The following HNF4G variants were observed in gnomAD, a reference collection of about 807,000 sequenced individuals.
HNF4G encodes the protein hepatocyte nuclear factor 4-gamma.
Under a neutral mutation model 50.9 loss-of-function variants are expected in HNF4G, and 21 were observed. The observed-to-expected ratio is 0.41, with a 90% CI of 0.29 to 0.59. The LOEUF is 0.59. HNF4G is among the 20% of genes least tolerant of loss of function. The pLI, the probability that HNF4G is intolerant of heterozygous loss-of-function variation, is 0.26. For synonymous variants in HNF4G, 198 were observed against 185.6 expected, an observed-to-expected ratio of 1.07 and a Z score of -0.54; for missense variants, 527 against 559.4, an observed-to-expected ratio of 0.94 and a Z score of 0.58.
In HNF4G at chr8:75,566,433, T is replaced by C. The variant is rs1433662048; in HGVS notation, c.*2337T>C. The C allele has an allele frequency of 1.3e-5, 2 of 152,558 alleles. No individual in the cohort carries two copies. Among genetic ancestry groups the C allele is most frequent in the East Asian group, 3.8e-4 (2 of 5,200 alleles). 9.5% of individuals were successfully genotyped at this position (152,558 alleles called of 1,614,324 possible). A position where few individuals can be genotyped will look rare whatever the true frequency, so the allele number is the denominator to read the frequency against. On this transcript the variant is annotated 3_prime_UTR_variant, in exon 10 of 10. Transcript: ENST00000396423. ...ATTTTTAGTGAACCCTGTAATTTATTCGTGTATATTTACTAAACAGCTGTA... is the reference window on the plus strand; with the variant it reads ...ATTTTTAGTGAACCCTGTAATTTATCCGTGTATATTTACTAAACAGCTGTA...
intron 2 of HNF4G, among the ~76,000 whole-genome samples, chr8:75,521,765 A>G (rs1806049080): frequency 6.6e-6 from 1 of 152,162 alleles, no homozygotes; most frequent in Admixed American, 6.5e-5. Flanking sequence ...TACATTAAAA[A>G]TATAATCCTT....
chr8:75,561,606 A>C (rs1024456069), intron 9 of HNF4G, among the ~76,000 whole-genome samples: 4 of 152,212 alleles, frequency 2.6e-5, no homozygotes, highest in Admixed American at 2.6e-4. Context: ...ATCATAAAGC[A>C]CATCTGTTAT....
intron 1 of HNF4G, among the ~76,000 whole-genome samples, chr8:75,478,577 A>G (rs765329720): frequency 7.2e-5 from 11 of 152,200 alleles, no homozygotes; most frequent in African/African-American, 1.2e-4. Context: ...ATGTGAAATG[A>G]GAATGCATGT....
At chr8:75,432,433 C>T (rs1166359554) in intron 1 of HNF4G, among the ~76,000 whole-genome samples, 5 of 152,018 alleles carry the variant, frequency 3.3e-5, no homozygotes, top group Non-Finnish European at 7.4e-5. Context: ...TCTTGTGCCT[C>T]AGCCTCCCAA....
chr8:75,461,930 T>TA (rs1554571763), intron 1 of HNF4G, among the ~76,000 whole-genome samples: 7 of 146,864 alleles, frequency 4.8e-5, no homozygotes, highest in South Asian at 2.1e-4. Context: ...ATATATATAT[T>TA]TTTTTAGATG....
intron 3 of HNF4G, among the ~76,000 whole-genome samples, chr8:75,550,966 A>G (rs560524690): frequency 6.6e-6 from 1 of 152,322 alleles, no homozygotes; most frequent in Non-Finnish European, 1.5e-5. Context: ...TTTTATAGAG[A>G]AAAGAAAATG....
intron 1 of HNF4G, among the ~76,000 whole-genome samples, chr8:75,451,352 T>C (rs910559276): frequency 2.0e-5 from 3 of 152,170 alleles, no homozygotes; most frequent in African/African-American, 4.8e-5. Flanking sequence ...ATAATTCCAT[T>C]TGTGTATTTT....
chr8:75,558,059 T>C (rs1032748758), intron 6 of HNF4G, among the ~76,000 whole-genome samples: 4 of 152,152 alleles, frequency 2.6e-5, no homozygotes, highest in African/African-American at 9.7e-5. Context: ...CAACCTCCTT[T>C]ACTTAGGTGT....
chr8:75,532,048 C>G (rs890361656), intron 2 of HNF4G, among the ~76,000 whole-genome samples: 2 of 151,872 alleles, frequency 1.3e-5, no homozygotes, highest in African/African-American at 2.4e-5. Flanking sequence ...TAACTTTTGG[C>G]TATTTTAAAA....
intron 2 of HNF4G, among the ~76,000 whole-genome samples, chr8:75,521,616 C>T (rs926241688): frequency 1.3e-5 from 2 of 152,112 alleles, no homozygotes; most frequent in African/African-American, 4.8e-5. Flanking sequence ...CCAGTTGAAG[C>T]TATGATCCGA....
At chr8:75,504,027 G>A (rs1177059266) in intron 2 of HNF4G, among the ~76,000 whole-genome samples, 3 of 152,068 alleles carry the variant, frequency 2.0e-5, no homozygotes, top group Admixed American at 6.6e-5. Flanking sequence ...TTCCAGACCA[G>A]CCTGGCCAAC....
intron 1 of HNF4G, among the ~76,000 whole-genome samples, chr8:75,540,835 A>G (rs1468522633): frequency 7.2e-6 from 1 of 139,220 alleles, no homozygotes. Context: ...AATTATGTAT[A>G]CTTTGGAAAA....
At chr8:75,430,186 G>T (rs1317579481) in intron 1 of HNF4G, among the ~76,000 whole-genome samples, 3 of 151,802 alleles carry the variant, frequency 2.0e-5, no homozygotes, top group Non-Finnish European at 4.4e-5. Flanking sequence ...TAGCTGAGTT[G>T]GTGGAAAGTA....
At chr8:75,523,937 C>T (rs1806114951) in intron 2 of HNF4G, among the ~76,000 whole-genome samples, 1 of 151,722 alleles carries the variant, frequency 6.6e-6, no homozygotes, top group Admixed American at 6.6e-5. Context: ...TACTAGAAGA[C>T]ACCTTATATG....
chr8:75,559,707 T>C (rs1224221235), intron 8 of HNF4G, among the ~76,000 whole-genome samples: 1 of 152,194 alleles, frequency 6.6e-6, no homozygotes, highest in Non-Finnish European at 1.5e-5. Context: ...ATCATGGTTT[T>C]TCATGCCCTG....
intron 1 of HNF4G, among the ~76,000 whole-genome samples, chr8:75,417,088 C>CAT (rs1208296619): frequency 1.3e-5 from 2 of 151,178 alleles, no homozygotes; most frequent in African/African-American, 4.9e-5. Context: ...GGTACACACA[C>CAT]ATACGAGCAT....
chr8:75,469,174 TC>T (rs1203281637), intron 1 of HNF4G, among the ~76,000 whole-genome samples: 1 of 152,118 alleles, frequency 6.6e-6, no homozygotes, highest in African/African-American at 2.4e-5. Context: ...TGGTGGCAGA[TC>T]CCAGGTGCAC....
intron 2 of HNF4G, among the ~76,000 whole-genome samples, chr8:75,529,659 T>C (rs1021135080): frequency 6.6e-6 from 1 of 151,962 alleles, no homozygotes; most frequent in African/African-American, 2.4e-5. Flanking sequence ...AACTACCAAA[T>C]GAACCAAAAA....
chr8:75,510,810 T>G (rs1440360054), intron 2 of HNF4G, among the ~76,000 whole-genome samples: 1 of 152,120 alleles, frequency 6.6e-6, no homozygotes, highest in African/African-American at 2.4e-5. Flanking sequence ...ATCTCCTGTG[T>G]GTGTATATAT....
Sources: allele counts gnomAD v4.1 joint callset (sites outside exome capture counted in the v4.1 genomes callset), GRCh38; gene constraint gnomAD v4.1.1; transcripts MANE v1.5; gene names NCBI Gene and HGNC (gene_info 2026-07-23, HGNC 2026-07-21).